LRP1B: variants seen among roughly 807,000 people sequenced by gnomAD.
LRP1B encodes low-density lipoprotein receptor-related protein 1B.
Under a neutral mutation model 556.6 loss-of-function variants are expected in LRP1B, and 217 were observed. That is an observed-to-expected ratio of 0.39 (90% CI 0.35 to 0.44). The LOEUF is 0.44. LRP1B is among the 20% of genes least tolerant of loss of function. The probability of loss-of-function intolerance (pLI) is 1.00; values close to 1 mark genes in which losing one functional copy is unlikely to be tolerated. For missense variants in LRP1B, 5,053 were observed against 5,620.8 expected, an observed-to-expected ratio of 0.90 and a Z score of 3.23; for synonymous variants, 2,047 against 1,865.8, an observed-to-expected ratio of 1.10 and a Z score of -2.50.
intron 7 of LRP1B, among the ~76,000 whole-genome samples, chr2:141,134,825 T>C (rs758662895): frequency 6.6e-5 from 10 of 151,810 alleles, no homozygotes; most frequent in Admixed American, 1.3e-4. Flanking sequence ...TTTTATATTA[T>C]TATTTTTCAT....
At chr2:141,826,559 C>T (rs990249685) in intron 1 of LRP1B, among the ~76,000 whole-genome samples, 1 of 151,988 alleles carries the variant, frequency 6.6e-6, no homozygotes, top group Non-Finnish European at 1.5e-5. Flanking sequence ...CAGTGTTTCA[C>T]CATGTTAGCC....
intron 1 of LRP1B, among the ~76,000 whole-genome samples, chr2:141,944,197 C>G (rs563054688): frequency 6.6e-6 from 1 of 152,276 alleles, no homozygotes; most frequent in South Asian, 2.1e-4. Flanking sequence ...AGTATTTATG[C>G]TGGCATTGTT....
intron 66 of LRP1B, among the ~76,000 whole-genome samples, chr2:140,437,316 A>T (rs1038030702): frequency 1.3e-5 from 2 of 152,156 alleles, no homozygotes; most frequent in African/African-American, 4.8e-5. Flanking sequence ...ATAGAGAGAT[A>T]CTGTGATACC....
intron 2 of LRP1B, among the ~76,000 whole-genome samples, chr2:141,502,687 C>T (rs13419140): frequency 0.75 from 114,260 of 151,462 alleles, 43,721 homozygotes; most frequent in East Asian, 0.91. Flanking sequence ...GGTGAAACCC[C>T]GTCTCTACTA....
chr2:141,792,566 T>C (rs1168231136), intron 2 of LRP1B, among the ~76,000 whole-genome samples: 1 of 152,046 alleles, frequency 6.6e-6, no homozygotes, highest in Non-Finnish European at 1.5e-5. Flanking sequence ...GCAATATTAA[T>C]AGACTGAGTT....
chr2:140,716,207 T>G, intron 36 of LRP1B, 105 bp from the exon 37 acceptor site: 2 of 788,050 alleles, frequency 2.5e-6, no homozygotes, highest in Admixed American at 2.5e-5. Context: ...ATCAAGAAAC[T>G]GTTTACTTCC....
At chr2:140,590,344 T>TAC (rs1328959096) in intron 43 of LRP1B, among the ~76,000 whole-genome samples, 1 of 147,964 alleles carries the variant, frequency 6.8e-6, no homozygotes, top group Non-Finnish European at 1.5e-5. Context: ...TGTGTGTGTG[T>TAC]ATATATATAT....
chr2:141,376,510 C>G (rs773705840), intron 3 of LRP1B, among the ~76,000 whole-genome samples: 4 of 152,148 alleles, frequency 2.6e-5, no homozygotes, highest in Non-Finnish European at 5.9e-5. Context: ...CATCTACTTA[C>G]TATTCGCATT....
chr2:141,720,555 G>A (rs776739075), intron 2 of LRP1B, among the ~76,000 whole-genome samples: 1 of 152,066 alleles, frequency 6.6e-6, no homozygotes, highest in Non-Finnish European at 1.5e-5. Flanking sequence ...TCAGTATGAA[G>A]AGATGACTAA....
intron 7 of LRP1B, among the ~76,000 whole-genome samples, chr2:141,169,303 TAA>T (rs1680395001): frequency 6.9e-6 from 1 of 145,206 alleles, no homozygotes; most frequent in Non-Finnish European, 1.5e-5. Flanking sequence ...AATAAATAAA[TAA>T]ATAAATAAAT....
At chr2:140,374,863 C>T (rs555759344) in intron 68 of LRP1B, among the ~76,000 whole-genome samples, 1 of 152,160 alleles carries the variant, frequency 6.6e-6, no homozygotes, top group South Asian at 2.1e-4. Context: ...AGTAAAGCAG[C>T]TCAATGACCA....
At chr2:141,209,509 C>A (rs1455672926) in intron 6 of LRP1B, among the ~76,000 whole-genome samples, 1 of 152,158 alleles carries the variant, frequency 6.6e-6, no homozygotes, top group East Asian at 1.9e-4. Flanking sequence ...TGAGAACGGA[C>A]TAATCCAAGA....
At chr2:141,720,560 G>A (rs1692775019) in intron 2 of LRP1B, among the ~76,000 whole-genome samples, 1 of 152,040 alleles carries the variant, frequency 6.6e-6, no homozygotes, top group Non-Finnish European at 1.5e-5. Flanking sequence ...ATGAAGAGAT[G>A]ACTAACTTTA....
chr2:141,577,638 G>A (rs1574098318), intron 2 of LRP1B, among the ~76,000 whole-genome samples: 3 of 152,222 alleles, frequency 2.0e-5, no homozygotes, highest in Non-Finnish European at 2.9e-5. Flanking sequence ...TTCAGCTATA[G>A]GATTCTATGA....
At chr2:140,980,206 AT>A (rs1399194830) in intron 18 of LRP1B, among the ~76,000 whole-genome samples, 13 of 152,146 alleles carry the variant, frequency 8.5e-5, no homozygotes, top group African/African-American at 3.1e-4. Flanking sequence ...TCTTATCTGA[AT>A]TGAGACTCTG....
At chr2:141,804,953 A>C (rs1696123769) in intron 2 of LRP1B, among the ~76,000 whole-genome samples, 1 of 152,028 alleles carries the variant, frequency 6.6e-6, no homozygotes, top group South Asian at 2.1e-4. Context: ...CAAGGAGGAG[A>C]GTGAAGGGAC....
Position 141,538,782 on chromosome 2 carries a change from G to T in LRP1B, c.206-58249C>A, listed in dbSNP as rs567373046. ...GCCTCCCAAGTAGCTGGGATTATAA[G>T]CATGTGCTACCACACCTGGCTAATT... is the stretch of plus-strand genomic sequence containing the variant. On this transcript the variant is annotated intron_variant, in intron 2 of 90. Coordinates refer to ENST00000389484, the MANE Select transcript of LRP1B (RefSeq NM_018557.3). Among the ~76,000 whole-genome samples the T allele has an allele frequency of 2.1e-4, 32 of 152,134 alleles. 1 individual carries two copies. Among genetic ancestry groups the T allele is most frequent in the African/African-American group, 7.5e-4 (31 of 41,518 alleles).
At chr2:141,373,487 G>A (rs1181216458) in intron 3 of LRP1B, among the ~76,000 whole-genome samples, 1 of 152,028 alleles carries the variant, frequency 6.6e-6, no homozygotes, top group Non-Finnish European at 1.5e-5. Context: ...CTTTTTTAAA[G>A]TCTAGTATTA....
Position 141,185,683 on chromosome 2 carries a change from C to CAAAAAAAAAAA in LRP1B, c.1013+2737_1013+2738insTTTTTTTTTTT, listed in dbSNP as rs148935362. 8.1e-4 allele frequency among the ~76,000 whole-genome samples: 60 copies of CAAAAAAAAAAA among 74,206 alleles called. 2 individuals carry two copies. The highest frequency in any genetic ancestry group is 2.3e-3 in the African/African-American group (48 of 20,532). 48.7% of individuals were successfully genotyped at this position (74,206 alleles called of 152,430 possible). ...AAACCATGGAGAACTGAAAAACAAA[C>CAAAAAAAAAAA]AAACAAAAAAAAACAAAAAAAAAAA... On this transcript the variant is annotated intron_variant, in intron 7 of 90. Transcript: ENST00000389484.
Sources: allele counts gnomAD v4.1 joint callset (sites outside exome capture counted in the v4.1 genomes callset), GRCh38; gene constraint gnomAD v4.1.1; transcripts MANE v1.5; gene names NCBI Gene and HGNC (gene_info 2026-07-23, HGNC 2026-07-21).